The following NDUFAF6 variants were observed in gnomAD, a reference collection of about 807,000 sequenced individuals.
The protein encoded by NDUFAF6 is NADH dehydrogenase (ubiquinone) complex I, assembly factor 6.
NDUFAF6 carries 45 observed loss-of-function variants against 40.8 expected under a neutral mutation model. The ratio of observed to expected loss-of-function variants is 1.10; its 90% confidence interval spans 0.87 to 1.42. The LOEUF (loss-of-function observed/expected upper bound fraction) is 1.42. Among genes scored for constraint, NDUFAF6 ranks in the 40% most tolerant of loss-of-function variants. NDUFAF6 has a pLI of 0.00. For missense variants in NDUFAF6, 435 were observed against 418.5 expected (o/e 1.04, Z -0.34); for synonymous variants, 185 against 155.9 (o/e 1.19, Z -1.39).
At chr8:94,905,156 C>T (rs1818309988) in intron 1 of NDUFAF6, among the ~76,000 whole-genome samples, 1 of 152,084 alleles carries the variant, frequency 6.6e-6, no homozygotes, top group South Asian at 2.1e-4. Flanking sequence ...GCTGAGATTG[C>T]GGCATTGCAC....
chr8:95,082,112 AAGAG>A (rs1808891041), intron 2 of NDUFAF6, among the ~76,000 whole-genome samples: 1 of 152,216 alleles, frequency 6.6e-6, no homozygotes, highest in Non-Finnish European at 1.5e-5. Context: ...AAATCTGAAA[AAGAG>A]AGAAACAAAG....
At chr8:94,903,195 A>T (rs1473141073) in intron 1 of NDUFAF6, among the ~76,000 whole-genome samples, 1 of 152,000 alleles carries the variant, frequency 6.6e-6, no homozygotes, top group East Asian at 1.9e-4. Flanking sequence ...CCCTGGCTCC[A>T]CAAAAAATAA....
chr8:94,936,320 TAAG>T (rs1198753100), intron 1 of NDUFAF6, among the ~76,000 whole-genome samples: 1 of 152,084 alleles, frequency 6.6e-6, no homozygotes, highest in Non-Finnish European at 1.5e-5. Flanking sequence ...GTAGGGAATG[TAAG>T]AAGGACACAC....
chr8:95,097,011 G>T (rs1218685761), upstream of NDUFAF6, among the ~76,000 whole-genome samples: 7 of 152,206 alleles, frequency 4.6e-5, no homozygotes, highest in Non-Finnish European at 1.0e-4. Context: ...ATACTGGTGG[G>T]ATCCTACCCA....
chr8:95,027,575 G>A (rs1455556250), intron 1 of NDUFAF6, among the ~76,000 whole-genome samples: 64 of 123,268 alleles, frequency 5.2e-4, no homozygotes, highest in African/African-American at 1.8e-3. Flanking sequence ...ATGAGACCCT[G>A]TCTCAAAAAA....
chr8:94,976,230 TG>T (rs60986632), intron 1 of NDUFAF6, among the ~76,000 whole-genome samples: 145,198 of 145,322 alleles, frequency 1, 72,537 homozygotes, highest in African/African-American at 1. Flanking sequence ...TTGGGCCGGG[TG>T]GTGGTGGCTC....
chr8:94,915,111 G>A (rs1232057925), intron 1 of NDUFAF6, among the ~76,000 whole-genome samples: 4 of 151,286 alleles, frequency 2.6e-5, no homozygotes, highest in Non-Finnish European at 4.4e-5. Flanking sequence ...TCTGTTGTTC[G>A]CATCTTAAAT....
intron 1 of NDUFAF6, chr8:94,929,418 TAA>T (rs77909682): frequency 9.3e-5 from 13 of 140,074 alleles, no homozygotes; most frequent in Non-Finnish European, 7.8e-5. Flanking sequence ...ACAAGGCAAT[TAA>T]AAAAAAAAAA....
chr8:94,896,066 G>C (rs1379430556), intron 1 of NDUFAF6: 2 of 153,714 alleles, frequency 1.3e-5, no homozygotes, highest in South Asian at 2.1e-4. Flanking sequence ...CGCAGGAAAC[G>C]CTCGCGCCAC....
At chr8:94,912,737 C>T (rs535686076) in intron 1 of NDUFAF6, among the ~76,000 whole-genome samples, 6 of 150,530 alleles carry the variant, frequency 4.0e-5, no homozygotes, top group South Asian at 2.1e-4. Context: ...GGCGTGAACC[C>T]GGGAGGCGGA....
downstream of NDUFAF6, among the ~76,000 whole-genome samples, chr8:95,080,224 T>C (rs963206502): frequency 2.6e-5 from 4 of 151,936 alleles, no homozygotes; most frequent in Non-Finnish European, 4.4e-5. Context: ...TTTTGTAGTG[T>C]ATTTTTTGTA....
intron 1 of NDUFAF6, chr8:94,930,313 C>T (rs1820264672): frequency 1.1e-6 from 1 of 915,574 alleles, no homozygotes; most frequent in Non-Finnish European, 1.6e-6. Flanking sequence ...TTATGTGATA[C>T]ACAGCATATA....
upstream of NDUFAF6, among the ~76,000 whole-genome samples, chr8:95,097,656 G>A (rs374161488): frequency 1.1e-4 from 16 of 152,264 alleles, no homozygotes; most frequent in African/African-American, 3.1e-4. Flanking sequence ...CTGAGATCAC[G>A]CCATTGCACT....
chr8:95,053,925 C>CA (rs1303676012), intron 8 of NDUFAF6, among the ~76,000 whole-genome samples: 5 of 37,016 alleles, frequency 1.4e-4, no homozygotes, highest in Non-Finnish European at 2.0e-4. Context: ...CCGTGCCCGG[C>CA]TTTTTTTTTT....
intron 1 of NDUFAF6, chr8:94,928,312 T>G (rs1265564836): frequency 6.6e-6 from 1 of 152,250 alleles, no homozygotes; most frequent in Non-Finnish European, 1.5e-5. Context: ...GCTGAACTTC[T>G]GTAGCTTGTG....
At chr8:94,910,591 TG>T (rs55746841) in intron 1 of NDUFAF6, among the ~76,000 whole-genome samples, 8,100 of 152,334 alleles carry the variant, frequency 0.053, 275 homozygotes, top group Non-Finnish European at 0.081. Context: ...TCTTGCCTTC[TG>T]TCCAGTGGGA....
intron 1 of NDUFAF6, among the ~76,000 whole-genome samples, chr8:94,934,339 T>G (rs1210932159): frequency 1.3e-5 from 2 of 152,140 alleles, no homozygotes; most frequent in East Asian, 3.8e-4. Flanking sequence ...CACTGCAAAG[T>G]AAACATATAA....
At chr8:94,948,665 T>C (rs1049001296) in intron 2 of NDUFAF6, among the ~76,000 whole-genome samples, 1 of 152,022 alleles carries the variant, frequency 6.6e-6, no homozygotes, top group Non-Finnish European at 1.5e-5. Flanking sequence ...AGCGCCGCTG[T>C]CTTCGGAGAT....
chr8:94,934,122 A>G (rs1820730322), intron 1 of NDUFAF6, among the ~76,000 whole-genome samples: 2 of 143,026 alleles, frequency 1.4e-5, no homozygotes, highest in South Asian at 2.4e-4. Context: ...CATTTAGGTT[A>G]AAAGTTTATG....
Sources: allele counts gnomAD v4.1 joint callset (sites outside exome capture counted in the v4.1 genomes callset), GRCh38; gene constraint gnomAD v4.1.1; transcripts MANE v1.5; gene names NCBI Gene and HGNC (gene_info 2026-07-23, HGNC 2026-07-21).